The following SPATA13 variants were observed in gnomAD, a reference collection of about 807,000 sequenced individuals.
SPATA13 encodes spermatogenesis-associated protein 13.
In SPATA13, 50 loss-of-function variants were observed where a neutral mutation model predicts 104.0. The ratio of observed to expected loss-of-function variants is 0.48; its 90% CI spans 0.38 to 0.61. SPATA13 has a LOEUF of 0.61. Ranked by LOEUF, SPATA13 falls within the 20% of genes least tolerant of loss-of-function variation. The probability of loss-of-function intolerance (pLI) is 0.00; values close to 1 mark genes in which losing one functional copy is unlikely to be tolerated. For synonymous variants in SPATA13, 606 were observed against 667.5 expected, an observed-to-expected ratio of 0.91 and a Z score of 1.42; for missense variants, 1,524 against 1,690.6, an observed-to-expected ratio of 0.90 and a Z score of 1.73.
At chr13:24,210,766 G>T (rs1190186305) in intron 1 of SPATA13, among the ~76,000 whole-genome samples, 4 of 137,432 alleles carry the variant, frequency 2.9e-5, no homozygotes, top group African/African-American at 8.0e-5. Context: ...GAATTTTAGG[G>T]TTTTTTTTTT....
At chr13:24,243,027 A>C (rs1253148806) in intron 2 of SPATA13, among the ~76,000 whole-genome samples, 1 of 152,228 alleles carries the variant, frequency 6.6e-6, no homozygotes, top group Non-Finnish European at 1.5e-5. Flanking sequence ...ATTTTTTAAG[A>C]ATTGAAGCAC....
chr13:24,234,567 G>A (rs1404401158), intron 2 of SPATA13, among the ~76,000 whole-genome samples: 1 of 152,224 alleles, frequency 6.6e-6, no homozygotes, highest in Non-Finnish European at 1.5e-5. Flanking sequence ...AATGCCGTAC[G>A]TTTTGTTGGT....
rs74825246 is a variant in SPATA13, at chr13:24,217,808, G to A, written c.-111-5011G>A. ...CTGGGAGGGAGGAGCTTCCCAGCAGGGCTGGAGCCACAGAGACACCACAGC... is the reference window on the plus strand; with the variant it reads ...CTGGGAGGGAGGAGCTTCCCAGCAGAGCTGGAGCCACAGAGACACCACAGC... On this transcript the variant is annotated intron_variant, in intron 1 of 12. Transcript: ENST00000382108. 0.017 allele frequency among the ~76,000 whole-genome samples: 2,589 copies of A among 152,126 alleles called. 133 individuals carry two copies. In the East Asian group the frequency reaches 0.18, roughly 11 times the overall value.
At chr13:24,271,020 C>T (rs1267744243) in intron 4 of SPATA13, 4 of 746,434 alleles carry the variant, frequency 5.4e-6, no homozygotes, top group Non-Finnish European at 7.2e-6. Flanking sequence ...CACTCTCTCT[C>T]ACTCTCTCTC....
At chr13:24,279,129 G>A in intron 4 of SPATA13, among the ~76,000 whole-genome samples, 1 of 152,166 alleles carries the variant, frequency 6.6e-6, no homozygotes, top group East Asian at 1.9e-4. Context: ...GGTGACAAAT[G>A]CTATGGAGAA....
At chr13:24,283,184 C>G (rs1420581670) in intron 4 of SPATA13, among the ~76,000 whole-genome samples, 1 of 152,150 alleles carries the variant, frequency 6.6e-6, no homozygotes, top group Admixed American at 6.5e-5. Flanking sequence ...GGGGAGGATC[C>G]CTTCCTCTTT....
At chr13:24,300,362 C>A in intron 11 of SPATA13, 39 bp from the exon 12 acceptor site, 1 of 1,552,656 alleles carries the variant, frequency 6.4e-7, no homozygotes, top group Non-Finnish European at 8.9e-7. Context: ...AACATGTCCA[C>A]GTGTTCTGAA....
At chr13:24,287,938 T>C (rs1242352708) in intron 7 of SPATA13, among the ~76,000 whole-genome samples, 1 of 152,238 alleles carries the variant, frequency 6.6e-6, no homozygotes, top group Non-Finnish European at 1.5e-5. Context: ...GACCATTCAG[T>C]GCTGAAGACA....
chr13:24,204,062 T>C (rs770155489), intron 1 of SPATA13, among the ~76,000 whole-genome samples: 1 of 152,124 alleles, frequency 6.6e-6, no homozygotes, highest in Non-Finnish European at 1.5e-5. Flanking sequence ...TAATTGTAAG[T>C]GTCAGGAAGC....
chr13:24,018,341 GT>G (rs1288320004), intron 3 of SPATA13, among the ~76,000 whole-genome samples: 1 of 152,114 alleles, frequency 6.6e-6, no homozygotes, highest in African/African-American at 2.4e-5. Flanking sequence ...GCAAAAGATC[GT>G]TTTTTCCATC....
chr13:24,116,012 C>T (rs890021929), intron 3 of SPATA13, among the ~76,000 whole-genome samples: 3 of 152,208 alleles, frequency 2.0e-5, no homozygotes, highest in African/African-American at 4.8e-5. Context: ...AAGTCACACG[C>T]CATCATTTCT....
chr13:24,185,272 G>A (rs74499784), intron 1 of SPATA13, among the ~76,000 whole-genome samples: 6,137 of 152,222 alleles, frequency 0.04, 391 homozygotes, highest in African/African-American at 0.14. Flanking sequence ...GGCACTCAGT[G>A]AAGTTTTACT....
chr13:24,186,316 A>G (rs1869147051), intron 1 of SPATA13, among the ~76,000 whole-genome samples: 1 of 152,204 alleles, frequency 6.6e-6, no homozygotes, highest in Non-Finnish European at 1.5e-5. Flanking sequence ...CTACAGGAAA[A>G]TTGGATGCTA....
At position 24,088,703 on chromosome 13, in the gene SPATA13, T is replaced by C. The variant is rs1054904490; in HGVS notation, c.-112+71002T>C. Among the ~76,000 whole-genome samples the C allele has an allele frequency of 2.6e-5, 4 of 152,188 alleles. No individual in the cohort carries two copies. Among genetic ancestry groups the C allele is most frequent in the African/African-American group, 9.7e-5 (4 of 41,440 alleles). Reference sequence around the variant, plus strand: ...GTGTATAGTAGAAACTCAGTGGCACTCGGGCCCTGCTTCTCACTGAGAGCT... The same window carrying C: ...GTGTATAGTAGAAACTCAGTGGCACCCGGGCCCTGCTTCTCACTGAGAGCT... On this transcript the variant is annotated intron_variant, in intron 3 of 14. Coordinates refer to the SPATA13 transcript ENST00000424834. This position sits in a 1 kb window ranked among gnomAD's most constrained non-coding sequence, Gnocchi z 4.3.
chr13:24,111,125 G>A (rs901267765), intron 3 of SPATA13, among the ~76,000 whole-genome samples: 1 of 151,506 alleles, frequency 6.6e-6, no homozygotes, highest in Admixed American at 6.6e-5. Flanking sequence ...GCCCAGGCTG[G>A]TCTTGAACCC....
chr13:24,302,119 C>T (rs1229702414), intron 12 of SPATA13, among the ~76,000 whole-genome samples: 4 of 152,130 alleles, frequency 2.6e-5, no homozygotes, highest in African/African-American at 4.8e-5. Flanking sequence ...TCCCGCTGCA[C>T]GTCCTGGCAT....
At chr13:24,009,772 G>C (rs2137684048) in intron 2 of SPATA13, among the ~76,000 whole-genome samples, 1 of 152,308 alleles carries the variant, frequency 6.6e-6, no homozygotes, top group South Asian at 2.1e-4. Context: ...TTTCTTATCA[G>C]ACTTAAGGTC....
intron 2 of SPATA13, among the ~76,000 whole-genome samples, chr13:24,241,402 T>C (rs1872824315): frequency 6.6e-6 from 1 of 152,222 alleles, no homozygotes; most frequent in African/African-American, 2.4e-5. Flanking sequence ...AGCAGAGCCA[T>C]CTTGAACAGG....
At chr13:24,057,029 C>CTT (rs1555257805) in intron 3 of SPATA13, among the ~76,000 whole-genome samples, 177 of 95,568 alleles carry the variant, frequency 1.9e-3, no homozygotes, top group Middle Eastern at 6.4e-3. Flanking sequence ...CTCTCTCTCT[C>CTT]TCTTTCTTTC....
Sources: allele counts gnomAD v4.1 joint callset (sites outside exome capture counted in the v4.1 genomes callset), GRCh38; gene constraint gnomAD v4.1.1; non-coding constraint Gnocchi (gnomAD v3.1); transcripts MANE v1.5; gene names NCBI Gene and HGNC (gene_info 2026-07-23, HGNC 2026-07-21).